The following NOP14 variants were observed in gnomAD, a reference collection of about 807,000 sequenced individuals.
NOP14 encodes the protein nucleolar protein 14.
Under a neutral mutation model 101.6 loss-of-function variants are expected in NOP14, and 57 were observed. The observed-to-expected ratio is 0.56, with a 90% CI of 0.45 to 0.70. NOP14 has a LOEUF of 0.70. Ranked by LOEUF, NOP14 falls within the 30% of genes least tolerant of loss-of-function variation. The pLI is 0.00. For missense variants in NOP14, 1,134 were observed against 1,075.5 expected (o/e 1.05, Z -0.76); for synonymous variants, 428 against 424.0 (o/e 1.01, Z -0.12).
At chr4:2,959,899 A>G (rs1715611799) in intron 1 of NOP14, among the ~76,000 whole-genome samples, 1 of 152,130 alleles carries the variant, frequency 6.6e-6, no homozygotes, top group South Asian at 2.1e-4. Context: ...ATGGGAGCAC[A>G]TTACATGTGC....
intron 12 of NOP14, 133 bp downstream of exon 12, chr4:2,944,995 G>C (rs1294689660): frequency 2.3e-5 from 14 of 618,380 alleles, no homozygotes; most frequent in East Asian, 1.2e-4. Context: ...GGCCCTCTTT[G>C]GCCTAACCGC....
intron 1 of NOP14, 43 bp downstream of exon 1, chr4:2,963,082 G>T: frequency 6.7e-7 from 1 of 1,491,218 alleles, no homozygotes; most frequent in Non-Finnish European, 8.9e-7. Context: ...GCAGCGTGGG[G>T]TCCAGATCCT....
Position 2,939,028 on chromosome 4 carries a change from C to T in NOP14, c.2475-98G>A, listed in dbSNP as rs1257553201. 8.2e-6 allele frequency: 12 copies of T among 1,472,262 alleles called. No homozygotes were observed. In the Admixed American group the frequency reaches 1.2e-4, roughly 15 times the overall value. The allele number at this position is 1,472,262 out of a possible 1,614,324, so 91.2% of individuals were successfully genotyped here. On this transcript the variant is annotated intron_variant, in intron 17 of 17. Transcript: ENST00000416614. ...ATCAGAACCACATTAGCCACCGTGG[C>T]CACGTTCAGTTCAAACAGGGGGAAG...
chr4:2,961,419 T>C lies in NOP14; in HGVS notation c.195+1706A>G, dbSNP rs1715893012. The C allele has an allele frequency of 3.9e-5, 6 of 152,060 alleles. No homozygotes were observed. In the South Asian group the frequency reaches 1.2e-3, roughly 32 times the overall value. 9.4% of individuals were successfully genotyped at this position (152,060 alleles called of 1,614,324 possible). A position where few individuals can be genotyped will look rare whatever the true frequency, so the allele number is the denominator to read the frequency against. On this transcript the variant is annotated intron_variant, in intron 1 of 17. Transcript: ENST00000416614. ...AGACTGGCACCTGGGGGCTGCCCTC[T>C]TCCTGCCAGACTGAGTGCCTCAGAG...
chr4:2,942,417 G>GCGAC, intron 13 of NOP14, 66 bp from the exon 14 acceptor site: 1 of 1,495,020 alleles, frequency 6.7e-7, no homozygotes, highest in Non-Finnish European at 9.2e-7. Flanking sequence ...AGGCTCTGCG[G>GCGAC]CACCGAGCCT....
chr4:2,957,694 T>C lies in NOP14; in HGVS notation c.242A>G (p.Asn81Ser), dbSNP rs190154547. The change falls in exon 2 of 18, where the codon AAT becomes AGT. Residue 81 changes from asparagine to serine, a missense_variant. Coordinates refer to ENST00000416614, the MANE Select transcript of NOP14 (RefSeq NM_001291978.2). ...LKEYKERDKS[N>S]VFRDKRFGEY... ...TCCGAAGCGTTTATCTCTGAATACA[T>C]TGGATTTATCCCTTTCTTTGTACTC... 2.6e-4 allele frequency: 412 copies of C among 1,614,128 alleles called. 1 individual carries two copies. The highest frequency in any genetic ancestry group is 3.4e-4 in the Non-Finnish European group (397 of 1,179,960).
At chr4:2,942,885 G>A (rs1242644301) in intron 13 of NOP14, among the ~76,000 whole-genome samples, 4 of 152,194 alleles carry the variant, frequency 2.6e-5, no homozygotes, top group Admixed American at 6.5e-5. Context: ...GGCAATCCAG[G>A]CCGAGGGTGT....
At chr4:2,960,733 T>TATTGATATGTTAATATTATAATCAC (rs1715703452) in intron 1 of NOP14, among the ~76,000 whole-genome samples, 2 of 110,910 alleles carry the variant, frequency 1.8e-5, no homozygotes, top group Admixed American at 9.3e-5. Flanking sequence ...ATCACATTAA[T>TATTGATATGTTAATATTATAATCAC]ATTAATATAT....
rs768455293 is a variant in NOP14 at position 2,941,674 on chromosome 4, C to T, written c.2107G>A (p.Gly703Arg). The change falls in exon 15 of 18, where the codon GGG (glycine) becomes AGG (arginine). Residue 703 changes from glycine to arginine, a missense_variant. Transcript: ENST00000416614. ...ATGGCGTGGAAGGATGGCAGGGACCCGTACATGAGCACGCAGCGCTTCAGC... is the reference window on the plus strand; with the variant it reads ...ATGGCGTGGAAGGATGGCAGGGACCTGTACATGAGCACGCAGCGCTTCAGC... The part of the protein sequence containing the change: ...ALLKRCVLMY[G>R]SLPSFHAIMG... 4.0e-5 allele frequency: 64 copies of T among 1,613,142 alleles called. No homozygotes were observed. Among genetic ancestry groups the T allele is most frequent in the East Asian group, 6.7e-5 (3 of 44,884 alleles).
chr4:2,957,501 C>A, intron 2 of NOP14, 105 bp downstream of exon 2: 2 of 1,397,070 alleles, frequency 1.4e-6, no homozygotes, highest in Non-Finnish European at 2.0e-6. Flanking sequence ...CCTGGACCTT[C>A]CGAGTGCCCA....
At chr4:2,949,634 C>G (rs528749970) in intron 8 of NOP14, among the ~76,000 whole-genome samples, 20 of 152,224 alleles carry the variant, frequency 1.3e-4, no homozygotes, top group Non-Finnish European at 2.2e-4. Context: ...CTCCCCAGCC[C>G]TGCCCCTCTG....
Position 2,949,947 on chromosome 4 carries a change from G to C in NOP14, c.1269C>G (p.Pro423=), listed in dbSNP as rs150944182. The C allele has an allele frequency of 1.2e-5, 20 of 1,614,064 alleles. No individual in the cohort carries two copies. In the African/African-American group the frequency reaches 2.5e-4, roughly 20 times the overall value. ...GCACTTGCCCACCTGCGAACGTGTA[G>C]GGCAGCTCGTCTCTGGTAGCTTTTC... is the stretch of plus-strand genomic sequence containing the variant. ...RAGKATRDEL[P]YTFAAPESYE... Residue 423 remains proline, a synonymous_variant, in exon 8 of 18, where the codon CCC becomes CCG. Transcript: ENST00000416614.
At chr4:2,959,498 C>G (rs1437836423) in intron 1 of NOP14, among the ~76,000 whole-genome samples, 4 of 152,112 alleles carry the variant, frequency 2.6e-5, no homozygotes, top group Admixed American at 1.3e-4. Context: ...GAGGCTGAGG[C>G]AGGAGAATGG....
chr4:2,944,743 C>G (rs945471742), intron 12 of NOP14, among the ~76,000 whole-genome samples: 4 of 152,346 alleles, frequency 2.6e-5, no homozygotes, highest in Middle Eastern at 3.4e-3. Flanking sequence ...TCCACCCATA[C>G]AGAGCGTACG....
At position 2,963,153 on chromosome 4, in the gene NOP14, C is replaced by G. The variant is rs762659818; in HGVS notation, c.167G>C (p.Gly56Ala). ...RKTRHDVGLP[G>A]VSRARALRKR... ...CCTGAGGGCCCGTGCGCGAGACACC[C>G]CGGGCAGTCCCACGTCGTGGCGCGT... Residue 56 changes from glycine to alanine, a missense_variant, in exon 1 of 18, where the codon GGG becomes GCG. Coordinates refer to ENST00000416614, the MANE Select transcript of NOP14 (RefSeq NM_001291978.2). 2.5e-6 allele frequency: 4 copies of G among 1,572,450 alleles called. No homozygotes were observed. The highest frequency in any genetic ancestry group is 3.4e-6 in the Non-Finnish European group (4 of 1,162,618).
chr4:2,956,850 T>G, intron 2 of NOP14, 39 bp from the exon 3 acceptor site: 1 of 1,527,466 alleles, frequency 6.5e-7, no homozygotes, highest in Non-Finnish European at 8.8e-7. Flanking sequence ...AATTACCACT[T>G]CCATTTCACA....
intron 1 of NOP14, among the ~76,000 whole-genome samples, 159 bp downstream of exon 1, chr4:2,962,966 G>C (rs931142759): frequency 6.6e-6 from 1 of 152,212 alleles, no homozygotes; most frequent in Non-Finnish European, 1.5e-5. Flanking sequence ...CCAGCTCAGA[G>C]AACAGCAGAG....
At chr4:2,941,537 A>G (rs2109291782) in intron 15 of NOP14, 45 bp downstream of exon 15, 1 of 1,589,054 alleles carries the variant, frequency 6.3e-7, no homozygotes, top group South Asian at 1.1e-5. Context: ...GCTCAGGGAC[A>G]TGTCTGAGCC....
At chr4:2,949,187 TACTAGA>T (rs1439417356) in intron 8 of NOP14, among the ~76,000 whole-genome samples, 2 of 152,156 alleles carry the variant, frequency 1.3e-5, no homozygotes, top group African/African-American at 4.8e-5. Context: ...CGGCATTGCT[TACTAGA>T]ACCTGACCAT....
Sources: allele counts gnomAD v4.1 joint callset (sites outside exome capture counted in the v4.1 genomes callset), GRCh38; gene constraint gnomAD v4.1.1; transcripts MANE v1.5; gene names NCBI Gene and HGNC (gene_info 2026-07-23, HGNC 2026-07-21).